Variants in SCYL2 observed in about 807,000 individuals in gnomAD.
SCYL2 encodes the protein SCY1-like protein 2.
In SCYL2, 36 loss-of-function variants were observed where a neutral mutation model predicts 100.4. The observed-to-expected ratio is 0.36, with a 90% confidence interval of 0.27 to 0.47. SCYL2 has a LOEUF of 0.47. Among genes scored for constraint, SCYL2 ranks in the 20% least tolerant of loss-of-function variants. SCYL2 has a pLI of 1.00. For synonymous variants in SCYL2, 330 were observed against 359.2 expected (o/e 0.92, Z 0.92); for missense variants, 902 against 1,083.9 (o/e 0.83, Z 2.36).
At chr12:100,287,806 G>A (rs537366792) in intron 2 of SCYL2, among the ~76,000 whole-genome samples, 19 of 152,030 alleles carry the variant, frequency 1.2e-4, no homozygotes, top group African/African-American at 4.6e-4. Context: ...TGAAATTTTT[G>A]TTAATAAAAA....
chr12:100,321,674 G>A (rs1055219401), intron 10 of SCYL2, among the ~76,000 whole-genome samples: 9 of 152,142 alleles, frequency 5.9e-5, no homozygotes, highest in Admixed American at 2.6e-4. Flanking sequence ...CACAGATGAC[G>A]ATGGTTAACA....
chr12:100,333,356 C>CCT (rs1055224927), intron 13 of SCYL2, among the ~76,000 whole-genome samples: 1 of 152,156 alleles, frequency 6.6e-6, no homozygotes, highest in Admixed American at 6.5e-5. Context: ...AGTTCCTTTA[C>CCT]CTCTCATTGA....
rs1185215025 is a variant in SCYL2, at chr12:100,340,201, A to AT, written c.*1031dup. 1.3e-5 allele frequency: 2 copies of AT among 152,582 alleles called. No individual in the cohort carries two copies. The highest frequency in any genetic ancestry group is 2.9e-5 in the Non-Finnish European group (2 of 67,980). 9.5% of individuals were successfully genotyped at this position (152,582 alleles called of 1,614,324 possible). A position where few individuals can be genotyped will look rare whatever the true frequency, so the allele number is the denominator to read the frequency against. ...CAGCTTGCCATGATAGTCTGACCTC[A>AT]TTAATTACTGCTACTGAAGTTCAAT... On this transcript the variant is annotated 3_prime_UTR_variant, in exon 18 of 18. Transcript: ENST00000360820.
At chr12:100,291,848 T>C in intron 3 of SCYL2, 188 bp downstream of exon 3, 1 of 547,864 alleles carries the variant, frequency 1.8e-6, no homozygotes, top group Non-Finnish European at 3.1e-6. Flanking sequence ...CTTTGAAATA[T>C]TAATACTTTC....
In SCYL2 at chr12:100,338,573, A is replaced by C; in HGVS notation, c.2191A>C (p.Thr731Pro). 6.2e-7 allele frequency: 1 copy of C among 1,613,416 alleles called. No homozygotes were observed. Among genetic ancestry groups the C allele is most frequent in the Non-Finnish European group, 8.5e-7 (1 of 1,179,562 alleles). Residue 731 changes from threonine (T) to proline (P), a missense_variant, in exon 18 of 18, where the codon ACC becomes CCC. By Grantham distance (38) the Thr-to-Pro change is conservative. Transcript: ENST00000360820. Reference protein sequence around the residue: ...DTLMDNMSSLTSLSVSTPKSS... With the variant: ...DTLMDNMSSLPSLSVSTPKSS... Reference sequence around the variant, plus strand: ...ACTGATGGATAATATGTCATCCTTGACCAGCCTTTCTGTTAGTACCCCTAA... The same window carrying C: ...ACTGATGGATAATATGTCATCCTTGCCCAGCCTTTCTGTTAGTACCCCTAA...
chr12:100,300,289 T>C (rs988960584), intron 4 of SCYL2, among the ~76,000 whole-genome samples: 10 of 152,214 alleles, frequency 6.6e-5, no homozygotes, highest in African/African-American at 2.4e-4. Context: ...GCTTATCTTG[T>C]CATTCTCTTA....
chr12:100,294,818 G>A (rs1325169297), intron 3 of SCYL2, among the ~76,000 whole-genome samples: 5 of 146,060 alleles, frequency 3.4e-5, no homozygotes, highest in Admixed American at 1.3e-4. Flanking sequence ...CCTCCCTCCC[G>A]GACGGGGTGG....
chr12:100,336,007 A>G (rs1482252985), intron 16 of SCYL2, 101 bp downstream of exon 16: 2 of 815,266 alleles, frequency 2.5e-6, no homozygotes, highest in East Asian at 2.5e-5. Context: ...CAGCTTAACA[A>G]GAAACATTTG....
At chr12:100,281,037 T>TG (rs2096297795) in intron 1 of SCYL2, among the ~76,000 whole-genome samples, 1 of 137,514 alleles carries the variant, frequency 7.3e-6, no homozygotes, top group Non-Finnish European at 1.6e-5. Context: ...TTTTTTTTTT[T>TG]TTTTTTTTTT....
chr12:100,290,713 G>T (rs911487228), intron 2 of SCYL2, among the ~76,000 whole-genome samples: 3 of 152,106 alleles, frequency 2.0e-5, no homozygotes, highest in Admixed American at 2.0e-4. Context: ...ATTTTGGAAG[G>T]CTAGCATTCT....
At chr12:100,277,795 T>G (rs2096294082) in intron 1 of SCYL2, among the ~76,000 whole-genome samples, 1 of 152,192 alleles carries the variant, frequency 6.6e-6, no homozygotes, top group Non-Finnish European at 1.5e-5. Flanking sequence ...CTTTTCCGCT[T>G]CTTTTTATAT....
At chr12:100,333,947 C>T (rs1952242955) in intron 13 of SCYL2, 2 of 374,184 alleles carry the variant, frequency 5.3e-6, no homozygotes, top group South Asian at 3.8e-5. Context: ...ACTTAAAAGC[C>T]TCATCAACTA....
At position 100,267,281 on chromosome 12, in the gene SCYL2, A is replaced by G. The variant is rs2096278706; in HGVS notation, c.-540A>G. 1.8e-6 allele frequency: 1 copy of G among 564,098 alleles called. No individual in the cohort carries two copies. The highest frequency in any genetic ancestry group is 3.1e-5 in the East Asian group (1 of 32,774). The allele number at this position is 564,098 out of a possible 1,614,324, so 34.9% of individuals were successfully genotyped here. On this transcript the variant is annotated 5_prime_UTR_variant, in exon 1 of 18. Coordinates refer to ENST00000360820, the MANE Select transcript of SCYL2 (RefSeq NM_017988.6). ...GCCGCGGGGGCGGCGGAGGATATGG[A>G]GTAAAGCCAGAGTCAGTGGCCAGGC...
At chr12:100,336,011 A>C in intron 16 of SCYL2, 105 bp downstream of exon 16, 1 of 785,584 alleles carries the variant, frequency 1.3e-6, no homozygotes, top group Non-Finnish European at 2.1e-6. Context: ...TTAACAAGAA[A>C]CATTTGTAAT....
intron 9 of SCYL2, among the ~76,000 whole-genome samples, chr12:100,316,602 G>A (rs4570683): frequency 6.6e-6 from 1 of 152,206 alleles, no homozygotes. Flanking sequence ...GTGGTAAGGT[G>A]AGAATTTCTG....
Position 100,337,472 on chromosome 12 carries a change from C to T in SCYL2, c.2111C>T (p.Pro704Leu), listed in dbSNP as rs535825821. The change falls in exon 17 of 18, where the codon CCC (proline) becomes CTC (leucine). Residue 704 changes from proline (P) to leucine (L), a missense_variant. Coordinates refer to ENST00000360820, the MANE Select transcript of SCYL2 (RefSeq NM_017988.6). ...CTGAAAAGCCAGCAGCCTCTTAAAC[C>T]CCAAGTGCACACACCTGTTGCTACT... is the stretch of plus-strand genomic sequence containing the variant. Reference protein sequence around the residue: ...QKLKSQQPLKPQVHTPVATVK... With the variant: ...QKLKSQQPLKLQVHTPVATVK... 5.6e-6 allele frequency: 9 copies of T among 1,612,998 alleles called. No individual in the cohort carries two copies.
Position 100,323,268 on chromosome 12 carries a change from T to A in SCYL2, c.1396-257T>A, listed in dbSNP as rs78495451. On this transcript the variant is annotated intron_variant, in intron 10 of 17. Coordinates refer to ENST00000360820, the MANE Select transcript of SCYL2 (RefSeq NM_017988.6). Reference sequence around the variant, plus strand: ...AGAGATTAGGAATGAGATCAGGGAGTTTGGATGTCATACACTAGTTATTAT... The same window carrying A: ...AGAGATTAGGAATGAGATCAGGGAGATTGGATGTCATACACTAGTTATTAT... Among the ~76,000 whole-genome samples, 845 of 152,122 alleles carry A rather than the reference T, an allele frequency of 5.6e-3. 8 individuals carry two copies. The highest frequency in any genetic ancestry group is 0.019 in the African/African-American group (770 of 41,510).
intron 13 of SCYL2, among the ~76,000 whole-genome samples, chr12:100,330,733 G>C (rs1952198598): frequency 6.6e-6 from 1 of 152,104 alleles, no homozygotes; most frequent in African/African-American, 2.4e-5. Flanking sequence ...CAGAGTTTTG[G>C]AGGTAGAGAA....
chr12:100,271,281 A>AAAG lies in SCYL2; in HGVS notation c.-29+3490_-29+3491insAGA, dbSNP rs869276181. Among the ~76,000 whole-genome samples the AAAG allele has an allele frequency of 7.4e-3, 956 of 128,760 alleles. 20 individuals are homozygous for AAAG. The highest frequency in any genetic ancestry group is 0.023 in the African/African-American group (825 of 36,142). The allele number at this position is 128,760 out of a possible 152,430, so 84.5% of individuals were successfully genotyped here. ...GCAGCAAAAAAAAAAAAAAAAAAAA[A>AAAG]AGAGAGAGAGAATATATCTTAAGAT... is the stretch of plus-strand genomic sequence containing the variant. On this transcript the variant is annotated intron_variant, in intron 1 of 17. Transcript: ENST00000360820.
Sources: gnomAD v4.1 joint callset for allele counts (sites outside exome capture counted in the v4.1 genomes callset) on GRCh38, gnomAD v4.1.1 for gene constraint, MANE v1.5 for transcripts, NCBI Gene and HGNC (gene_info 2026-07-23, HGNC 2026-07-21) for gene names.